CACNB2: variants seen among roughly 807,000 people sequenced by gnomAD.
The protein encoded by CACNB2 is voltage-dependent L-type calcium channel subunit beta-2.
A neutral mutation model predicts 73.3 loss-of-function variants in CACNB2; 42 were observed. The observed-to-expected ratio is 0.57, with a 90% CI of 0.45 to 0.74. CACNB2 has a LOEUF of 0.74. Among genes scored for constraint, CACNB2 ranks in the 30% least tolerant of loss-of-function variants. The probability of loss-of-function intolerance (pLI) is 0.00; values close to 1 mark genes in which losing one functional copy is unlikely to be tolerated. For synonymous variants in CACNB2, 348 were observed against 310.3 expected, an observed-to-expected ratio of 1.12 and a Z score of -1.28; for missense variants, 940 against 853.0, an observed-to-expected ratio of 1.10 and a Z score of -1.27.
At chr10:18,454,158 GC>G (rs1268467663) in intron 3 of CACNB2, among the ~76,000 whole-genome samples, 2 of 152,336 alleles carry the variant, frequency 1.3e-5, no homozygotes, top group Admixed American at 1.3e-4. Flanking sequence ...AGTGATGGGT[GC>G]TTTGATGGGA....
chr10:18,147,643 A>G (rs1274406967), intron 1 of CACNB2, among the ~76,000 whole-genome samples: 1 of 152,224 alleles, frequency 6.6e-6, no homozygotes, highest in Non-Finnish European at 1.5e-5. Flanking sequence ...AATGCTGGTA[A>G]AAAATATTTA....
intron 2 of CACNB2, among the ~76,000 whole-genome samples, chr10:18,152,698 C>A: frequency 9.5e-6 from 1 of 105,390 alleles, no homozygotes; most frequent in African/African-American, 4.0e-5. Context: ...CATGCAGGAC[C>A]TGAAACAGAC....
intron 3 of CACNB2, among the ~76,000 whole-genome samples, chr10:18,471,026 C>T (rs185567094): frequency 3.3e-5 from 5 of 152,222 alleles, no homozygotes; most frequent in East Asian, 3.9e-4. Flanking sequence ...TACACAGGGC[C>T]GGGTGCGGTG....
intron 3 of CACNB2, among the ~76,000 whole-genome samples, chr10:18,423,391 T>C (rs767447984): frequency 6.6e-5 from 10 of 152,156 alleles, no homozygotes; most frequent in Non-Finnish European, 1.5e-4. Context: ...GAGGAAGATA[T>C]AGTAGGAGGT....
chr10:18,229,431 G>C (rs1004615975), intron 2 of CACNB2, among the ~76,000 whole-genome samples: 1 of 152,038 alleles, frequency 6.6e-6, no homozygotes, highest in Non-Finnish European at 1.5e-5. Flanking sequence ...ATTTAATGTG[G>C]GATTTTAAAG....
At chr10:18,176,866 A>G (rs2033621585) in intron 2 of CACNB2, among the ~76,000 whole-genome samples, 1 of 151,760 alleles carries the variant, frequency 6.6e-6, no homozygotes, top group African/African-American at 2.4e-5. Context: ...GTTTCAGGGG[A>G]CATTGAGAAG....
chr10:18,166,577 A>G (rs1396480408), intron 2 of CACNB2, among the ~76,000 whole-genome samples: 1 of 152,182 alleles, frequency 6.6e-6, no homozygotes, highest in Non-Finnish European at 1.5e-5. Flanking sequence ...TATGCTTAAG[A>G]GATTAGATAC....
At chr10:18,402,088 T>G (rs775011182) in intron 3 of CACNB2, 45 bp downstream of exon 3, 9 of 1,604,944 alleles carry the variant, frequency 5.6e-6, no homozygotes, top group Non-Finnish European at 6.0e-6. Context: ...AGTTGTGCTG[T>G]GCCCCTGATA....
At chr10:18,461,283 A>G (rs1175117347) in intron 3 of CACNB2, among the ~76,000 whole-genome samples, 2 of 152,126 alleles carry the variant, frequency 1.3e-5, no homozygotes, top group East Asian at 1.9e-4. Flanking sequence ...CCTATCCTCA[A>G]GGTGCCAGGC....
At chr10:18,371,401 C>T (rs1025339228) in intron 2 of CACNB2, among the ~76,000 whole-genome samples, 2 of 152,076 alleles carry the variant, frequency 1.3e-5, no homozygotes, top group Non-Finnish European at 2.9e-5. Flanking sequence ...TGTTCCCCTT[C>T]CTGTGTCCAT....
chr10:18,422,869 T>C lies in CACNB2; in HGVS notation c.333+20826T>C, dbSNP rs764826198. On this transcript the variant is annotated intron_variant, in intron 3 of 13. Coordinates refer to ENST00000324631, the MANE Select transcript of CACNB2 (RefSeq NM_201596.3). ...ATGCGACACCACACCCAGCTAATTT[T>C]GTATTTTTAGTAGAGACGGGGTTTC... is the stretch of plus-strand genomic sequence containing the variant. 1.3e-4 allele frequency among the ~76,000 whole-genome samples: 20 copies of C among 152,208 alleles called. No homozygotes were observed. In the South Asian group the frequency reaches 1.7e-3, roughly 13 times the overall value.
chr10:18,538,286 G>A lies in CACNB2; in HGVS notation c.1409G>A (p.Ser470Asn). The change falls in exon 13 of 14, where the codon AGC becomes AAC. Residue 470 changes from serine to asparagine, a missense_variant. Ser to Asn is a conservative substitution (Grantham distance 46, BLOSUM62 1). Transcript: ENST00000324631. ...AAGGCCACCCATCCTCCCAGCAGTA[G>A]CCTCCCCAACCCTCTCCTTAGCCGT... ...YWKATHPPSS[S>N]LPNPLLSRTL... 6.2e-7 allele frequency: 1 copy of A among 1,614,150 alleles called. No homozygotes were observed. The highest frequency in any genetic ancestry group is 8.5e-7 in the Non-Finnish European group (1 of 1,179,984).
chr10:18,361,210 G>C (rs1176981451), intron 2 of CACNB2, among the ~76,000 whole-genome samples: 1 of 151,858 alleles, frequency 6.6e-6, no homozygotes, highest in Admixed American at 6.6e-5. Flanking sequence ...CCATCCTAAA[G>C]TAGACTTTTC....
At position 18,150,911 on chromosome 10, in the gene CACNB2, A is replaced by G; in HGVS notation, c.149A>G (p.Asn50Ser). 6.6e-7 allele frequency: 1 copy of G among 1,521,836 alleles called. No individual in the cohort carries two copies. Among genetic ancestry groups the G allele is most frequent in the Non-Finnish European group, 8.9e-7 (1 of 1,122,994 alleles). 94.3% of individuals were successfully genotyped at this position (1,521,836 alleles called of 1,614,324 possible). ...QSYGKGARRK[N>S]RFKGSDGSTS... ...TATGGAAAAGGAGCCAGAAGGAAAA[A>G]CAGATTTAAAGGATCTGATGGAAGC... Residue 50 changes from asparagine (N) to serine (S), a missense_variant, in exon 2 of 14, where the codon AAC becomes AGC. Transcript: ENST00000324631.
intron 3 of CACNB2, among the ~76,000 whole-genome samples, chr10:18,460,092 A>T (rs2047487840): frequency 6.6e-6 from 1 of 152,220 alleles, no homozygotes; most frequent in African/African-American, 2.4e-5. Context: ...ATATGTCCAT[A>T]CATATATACA....
chr10:18,337,116 C>A (rs1564447273), intron 2 of CACNB2, among the ~76,000 whole-genome samples: 1 of 151,892 alleles, frequency 6.6e-6, no homozygotes, highest in Non-Finnish European at 1.5e-5. Flanking sequence ...CTTTTCTCTT[C>A]TTTCTTCTTC....
chr10:18,307,567 A>G (rs1418560677), intron 2 of CACNB2, among the ~76,000 whole-genome samples: 1 of 152,208 alleles, frequency 6.6e-6, no homozygotes, highest in East Asian at 1.9e-4. Flanking sequence ...AAGGCAGACT[A>G]TATTTTATCT....
At chr10:18,473,831 C>T (rs1450901908) in intron 3 of CACNB2, among the ~76,000 whole-genome samples, 5 of 152,034 alleles carry the variant, frequency 3.3e-5, no homozygotes, top group Admixed American at 1.3e-4. Context: ...AAATAATTCC[C>T]TAAGGTTTCA....
At chr10:18,162,448 C>G (rs1364776083) in intron 2 of CACNB2, among the ~76,000 whole-genome samples, 1 of 152,186 alleles carries the variant, frequency 6.6e-6, no homozygotes, top group African/African-American at 2.4e-5. Context: ...TACTCGTTCA[C>G]CAATGTGTGG....
Sources: allele counts gnomAD v4.1 joint callset (sites outside exome capture counted in the v4.1 genomes callset), GRCh38; gene constraint gnomAD v4.1.1; transcripts MANE v1.5; gene names NCBI Gene and HGNC (gene_info 2026-07-23, HGNC 2026-07-21).